PCDHGB1: variants seen among roughly 807,000 people sequenced by gnomAD.
The protein encoded by PCDHGB1 is protocadherin gamma subfamily B, 1.
PCDHGB1 carries 34 observed loss-of-function variants against 56.6 expected under a neutral mutation model. That is an observed-to-expected ratio of 0.60 (90% CI 0.46 to 0.80). The LOEUF (loss-of-function observed/expected upper bound fraction) is 0.80, where lower values mean the gene tolerates loss of function less well. PCDHGB1 is among the 30% of genes least tolerant of loss of function. The pLI, the probability that PCDHGB1 is intolerant of heterozygous loss-of-function variation, is 0.00. For synonymous variants in PCDHGB1, 561 were observed against 505.9 expected (o/e 1.11, Z -1.46); for missense variants, 1,278 against 1,204.6 (o/e 1.06, Z -0.90).
chr5:141,376,156 G>C, intron 1 of PCDHGB1: 2 of 1,614,074 alleles, frequency 1.2e-6, no homozygotes, highest in South Asian at 1.1e-5. Context: ...ACCTCACTCT[G>C]TACCTGGTGG....
intron 1 of PCDHGB1, among the ~76,000 whole-genome samples, chr5:141,401,385 T>A (rs965055223): frequency 6.6e-6 from 1 of 152,182 alleles, no homozygotes; most frequent in Non-Finnish European, 1.5e-5. Flanking sequence ...AGAAAAATAC[T>A]ACATGTTATG....
chr5:141,407,703 G>A (rs1016806853), intron 1 of PCDHGB1, among the ~76,000 whole-genome samples: 26 of 152,096 alleles, frequency 1.7e-4, no homozygotes, highest in African/African-American at 6.3e-4. Flanking sequence ...ATTGTTGAAG[G>A]TGGGGTGATG....
chr5:141,485,935 C>A lies in PCDHGB1; in HGVS notation c.2410-8872C>A. The stretch of plus-strand genomic sequence containing the variant: ...GCTACAGGATTAGTGTGTTGGAGAG[C>A]GCACCAGCGGGCATGGTGCTCATCC... On this transcript the variant is annotated intron_variant, in intron 1 of 3. Coordinates refer to ENST00000523390, the MANE Select transcript of PCDHGB1 (RefSeq NM_018922.3). This position sits in a 1 kb window ranked among gnomAD's most constrained non-coding sequence, Gnocchi z 5.7. The A allele has an allele frequency of 3.1e-6, 5 of 1,614,144 alleles. No homozygotes were observed. Among genetic ancestry groups the A allele is most frequent in the Non-Finnish European group, 3.4e-6 (4 of 1,180,030 alleles).
chr5:141,428,106 C>T, intron 1 of PCDHGB1: 1 of 1,608,152 alleles, frequency 6.2e-7, no homozygotes. Context: ...CCACGTGCTG[C>T]AGGCCATCGA....
chr5:141,383,276 T>G lies in PCDHGB1; in HGVS notation c.2409+30607T>G, dbSNP rs550293015. The G allele has an allele frequency of 3.8e-5, 61 of 1,613,822 alleles. No homozygotes were observed. The highest frequency in any genetic ancestry group is 5.1e-5 in the Non-Finnish European group (60 of 1,179,878). Reference sequence around the variant, plus strand: ...CCTATAGACGTGGAAATAATAGATATTAATGACAACGTTCCAAGATTCTTG... The same window carrying G: ...CCTATAGACGTGGAAATAATAGATAGTAATGACAACGTTCCAAGATTCTTG... On this transcript the variant is annotated intron_variant, in intron 1 of 3. Transcript: ENST00000523390.
In PCDHGB1 at chr5:141,351,829, C is replaced by T. The variant is rs1330415578; in HGVS notation, c.1569C>T (p.Ala523=). The change falls in exon 1 of 4, where the codon GCC becomes GCT. Residue 523 remains alanine (A), a synonymous_variant. Transcript: ENST00000523390. ...QRAFDHEQLR[A]FELTLQARDQ... ...CCTTCGACCACGAGCAGCTGCGCGCCTTCGAGCTCACACTGCAGGCCAGGG... is the reference window on the plus strand; with the variant it reads ...CCTTCGACCACGAGCAGCTGCGCGCTTTCGAGCTCACACTGCAGGCCAGGG... 10 of 1,613,244 alleles carry T rather than the reference C, an allele frequency of 6.2e-6. No homozygotes were observed. The Middle Eastern group carries it at 5.0e-4, about 80-fold the overall frequency.
In PCDHGB1 at chr5:141,489,459, C is replaced by A; in HGVS notation, c.2410-5348C>A. ...AATTGGGCTCTGAGGAGAATGGGCG[C>A]TATTTTTCCCTGAGCTTGATGAGTG... On this transcript the variant is annotated intron_variant, in intron 1 of 3. Transcript: ENST00000523390. The surrounding 1 kb of genome is among the most constrained non-coding windows in gnomAD (Gnocchi z 4.5). 1 of 1,614,086 alleles carries A rather than the reference C, an allele frequency of 6.2e-7. No individual in the cohort carries two copies. The highest frequency in any genetic ancestry group is 8.5e-7 in the Non-Finnish European group (1 of 1,180,012).
chr5:141,405,050 G>T, intron 1 of PCDHGB1: 1 of 1,613,866 alleles, frequency 6.2e-7, no homozygotes, highest in South Asian at 1.1e-5. Flanking sequence ...TGTGGCAGTC[G>T]TCTCCTGTGT....
At chr5:141,395,560 G>T (rs868147032) in intron 1 of PCDHGB1, 1 of 206,840 alleles carries the variant, frequency 4.8e-6, no homozygotes, top group South Asian at 1.4e-4. Context: ...GTGTGTGTGT[G>T]TGTGTGTGTG....
In PCDHGB1 at chr5:141,409,864, C is replaced by A. The variant is rs772646188; in HGVS notation, c.2409+57195C>A. The A allele has an allele frequency of 1.9e-6, 3 of 1,612,574 alleles. No individual in the cohort carries two copies. The East Asian group carries it at 6.7e-5, about 36-fold the overall frequency. Reference sequence around the variant, plus strand: ...TGAGCCTGCGCGTGTTGGTGGGAGACCGCAATGACAACGCACCGCGGGTGC... The same window carrying A: ...TGAGCCTGCGCGTGTTGGTGGGAGAACGCAATGACAACGCACCGCGGGTGC... On this transcript the variant is annotated intron_variant, in intron 1 of 3. Transcript: ENST00000523390.
intron 1 of PCDHGB1, chr5:141,399,668 G>A (rs756009874): frequency 1.7e-5 from 28 of 1,613,644 alleles, no homozygotes; most frequent in Non-Finnish European, 8.5e-7. Flanking sequence ...TTCGCGCAGC[G>A]CGCCTTTGAC....
intron 1 of PCDHGB1, chr5:141,408,074 C>T: frequency 7.2e-7 from 1 of 1,395,302 alleles, no homozygotes; most frequent in Non-Finnish European, 9.5e-7. Context: ...CAGACCTTTC[C>T]CAGCACAGCG....
chr5:141,383,787 G>T, intron 1 of PCDHGB1: 1 of 1,613,950 alleles, frequency 6.2e-7, no homozygotes, highest in East Asian at 2.2e-5. Context: ...ATCTGAACTC[G>T]CTTACAGGAG....
chr5:141,408,725 A>G, intron 1 of PCDHGB1: 1 of 1,610,988 alleles, frequency 6.2e-7, no homozygotes, highest in Non-Finnish European at 8.5e-7. Context: ...GATAAACTCT[A>G]ATCCTTATTT....
chr5:141,505,348 G>C, intron 2 of PCDHGB1, 45 bp from the exon 3 acceptor site: 1 of 1,613,358 alleles, frequency 6.2e-7, no homozygotes, highest in Non-Finnish European at 8.5e-7. Flanking sequence ...GGCATGAGCT[G>C]TGCCGGCCTG....
At chr5:141,453,521 T>A (rs1311886024) in intron 1 of PCDHGB1, among the ~76,000 whole-genome samples, 2 of 152,148 alleles carry the variant, frequency 1.3e-5, no homozygotes, top group Non-Finnish European at 2.9e-5. Flanking sequence ...TCCTCCCCTA[T>A]ACCTTCTGCC....
At chr5:141,499,019 AGGAAGGAAGAAAAG>A (rs2099788655) in intron 2 of PCDHGB1, among the ~76,000 whole-genome samples, 1 of 150,840 alleles carries the variant, frequency 6.6e-6, no homozygotes, top group Non-Finnish European at 1.5e-5. Flanking sequence ...GAAGGAAGGA[AGGAAGGAAGAAAAG>A]AAAGAAAAAG....
At chr5:141,415,425 T>G (rs777503392) in intron 1 of PCDHGB1, 7 of 1,614,080 alleles carry the variant, frequency 4.3e-6, no homozygotes, top group African/African-American at 1.3e-5. Context: ...TGGACGGGGT[T>G]CGGGCTTTCC....
intron 3 of PCDHGB1, among the ~76,000 whole-genome samples, chr5:141,506,189 G>A (rs529165145): frequency 3.6e-4 from 55 of 152,262 alleles, no homozygotes; most frequent in African/African-American, 1.1e-3. Flanking sequence ...GGTGGCTCAC[G>A]CCTGTAATCC....
Sources: allele counts gnomAD v4.1 joint callset (sites outside exome capture counted in the v4.1 genomes callset), GRCh38; gene constraint gnomAD v4.1.1; non-coding constraint Gnocchi (gnomAD v3.1); transcripts MANE v1.5; gene names NCBI Gene and HGNC (gene_info 2026-07-23, HGNC 2026-07-21).